Variants in APOBEC3B observed in about 807,000 individuals in gnomAD.
APOBEC3B encodes DNA dC->dU-editing enzyme APOBEC-3B.
In APOBEC3B, 29 loss-of-function variants were observed where a neutral mutation model predicts 53.4. That is an observed-to-expected ratio of 0.54 (90% confidence interval 0.40 to 0.74). APOBEC3B has a LOEUF of 0.74. APOBEC3B is among the 30% of genes least tolerant of loss of function. The pLI, the probability that APOBEC3B is intolerant of heterozygous loss-of-function variation, is 0.00. For synonymous variants in APOBEC3B, 132 were observed against 184.8 expected (o/e 0.71, Z 2.32); for missense variants, 347 against 496.2 (o/e 0.70, Z 2.86).
chr22:38,987,675 C>T (rs201956906), intron 4 of APOBEC3B, among the ~76,000 whole-genome samples: 2,753 of 147,300 alleles, frequency 0.019, 232 homozygotes, highest in Non-Finnish European at 0.027. Context: ...CTTCCAAAGA[C>T]GCCTCCGCTG....
intron 4 of APOBEC3B, among the ~76,000 whole-genome samples, chr22:38,989,252 G>A (rs538750275): frequency 6.7e-6 from 1 of 148,310 alleles, no homozygotes; most frequent in South Asian, 2.2e-4. Context: ...AACAGGCCCC[G>A]GGGCTGTGTT....
intron 4 of APOBEC3B, among the ~76,000 whole-genome samples, chr22:38,987,242 G>C (rs545882332): frequency 6.7e-6 from 1 of 148,740 alleles, no homozygotes; most frequent in Admixed American, 6.9e-5. Flanking sequence ...TGGTGGTCCT[G>C]CTGGGCCTCA....
chr22:38,985,404 G>C (rs1569037394), intron 2 of APOBEC3B, among the ~76,000 whole-genome samples: 1 of 148,308 alleles, frequency 6.7e-6, no homozygotes, highest in Non-Finnish European at 1.5e-5. Flanking sequence ...GGATGCTCCA[G>C]ACAGAGTGGC....
Position 38,982,486 on chromosome 22 carries a change from C to G in APOBEC3B, c.17+16C>G, listed in dbSNP as rs747184139. On this transcript the variant is annotated intron_variant, in intron 1 of 7. Transcript: ENST00000333467. Reference sequence around the variant, plus strand: ...CACAGATCAGGTACCGCTGCCCACTCTGCCTGCTGGGCCCCTCCTGCCCCT... The same window carrying G: ...CACAGATCAGGTACCGCTGCCCACTGTGCCTGCTGGGCCCCTCCTGCCCCT... The G allele has an allele frequency of 6.9e-6, 11 of 1,593,312 alleles. 2 individuals are homozygous for G. Among genetic ancestry groups the G allele is most frequent in the Middle Eastern group, 1.7e-4 (1 of 5,868 alleles).
chr22:38,985,149 C>A (rs1295449168), intron 2 of APOBEC3B, among the ~76,000 whole-genome samples: 1 of 148,536 alleles, frequency 6.7e-6, no homozygotes, highest in African/African-American at 2.5e-5. Context: ...AGTCACCTGC[C>A]TTGGCCTCCC....
intron 6 of APOBEC3B, 45 bp from the exon 7 acceptor site, chr22:38,991,989 C>T (rs554127458): frequency 8.6e-6 from 13 of 1,518,320 alleles, no homozygotes; most frequent in Non-Finnish European, 9.7e-6. Flanking sequence ...GTGCTGCCCC[C>T]TCCCCACAAC....
chr22:38,986,511 A>T, intron 4 of APOBEC3B, 99 bp downstream of exon 4: 1 of 1,251,950 alleles, frequency 8.0e-7, no homozygotes, highest in Admixed American at 2.8e-5. Flanking sequence ...CTCTTGACCC[A>T]CTGCCTGCCC....
Position 38,989,566 on chromosome 22 carries a change from A to T in APOBEC3B, c.679A>T (p.Thr227Ser), listed in dbSNP as rs1163449275. The change falls in exon 5 of 8, where the codon ACC becomes TCC. Residue 227 changes from threonine to serine, a missense_variant. This residue lies in a region of APOBEC3B where 156 missense variants were observed against 166.7 expected (regional missense o/e 0.94). Transcript: ENST00000333467. ...CYEVERLDNG[T>S]WVLMDQHMGF... ...TGAGGTGGAGCGCCTGGACAATGGC[A>T]CCTGGGTCCTGATGGACCAGCACAT... The T allele has an allele frequency of 6.3e-7, 1 of 1,587,538 alleles. No individual in the cohort carries two copies. The highest frequency in any genetic ancestry group is 1.4e-5 in the African/African-American group (1 of 74,040).
In APOBEC3B at chr22:38,986,429, G is replaced by A; in HGVS notation, c.569+17G>A. 5 of 1,589,750 alleles carry A rather than the reference G, an allele frequency of 3.1e-6. No individual in the cohort carries two copies. The highest frequency in any genetic ancestry group is 2.3e-5 in the South Asian group (2 of 88,280). On this transcript the variant is annotated intron_variant, in intron 4 of 7. Transcript: ENST00000333467. ...GATTCTCAGGTGAGGGTCTCCCTCT[G>A]GCCTCATCATCTCTCTCCTCTCACC...
rs149498752 is a variant in APOBEC3B, at chr22:38,986,076, A to G, written c.439A>G (p.Ile147Val). 9.9e-4 allele frequency: 1,584 copies of G among 1,592,284 alleles called. 113 individuals carry two copies. The African/African-American group carries it at 0.019, about 19-fold the overall frequency. Reference protein sequence around the residue: ...RLSQAGARVTIMDYEEFAYCW... With the variant: ...RLSQAGARVTVMDYEEFAYCW... Reference sequence around the variant, plus strand: ...GAGTCAGGCAGGAGCCCGCGTGACGATCATGGACTATGAAGGTGAGAGGTG... The same window carrying G: ...GAGTCAGGCAGGAGCCCGCGTGACGGTCATGGACTATGAAGGTGAGAGGTG... Residue 147 changes from isoleucine to valine, a missense_variant, in exon 3 of 8, where the codon ATC (isoleucine) becomes GTC (valine). By Grantham distance (29) the Ile-to-Val change is conservative. Around this residue, in one of 5 missense-constraint regions of APOBEC3B, gnomAD observed 156 missense variants for 166.7 expected, o/e 0.94. Coordinates refer to ENST00000333467, the MANE Select transcript of APOBEC3B (RefSeq NM_004900.5).
In APOBEC3B at chr22:38,992,617, T is replaced by C; in HGVS notation, c.*172T>C. 1 of 1,492,720 alleles carries C rather than the reference T, an allele frequency of 6.7e-7. No homozygotes were observed. Among genetic ancestry groups the C allele is most frequent in the Non-Finnish European group, 9.0e-7 (1 of 1,115,196 alleles). The allele number at this position is 1,492,720 out of a possible 1,614,324, so 92.5% of individuals were successfully genotyped here. A position where few individuals can be genotyped will look rare whatever the true frequency, so the allele number is the denominator to read the frequency against. ...AGATTTTTTAAAAATCAGAGTCAAT[T>C]AATTTTAATTGAAAATTTCTCTTAT... On this transcript the variant is annotated 3_prime_UTR_variant, in exon 8 of 8. Transcript: ENST00000333467.
Position 38,985,752 on chromosome 22 carries a change from C to T in APOBEC3B, c.175-60C>T, listed in dbSNP as rs1245644684. 71 of 1,451,844 alleles carry T rather than the reference C, an allele frequency of 4.9e-5. 3 individuals are homozygous for T. In the African/African-American group the frequency reaches 8.9e-4, roughly 18 times the overall value. The allele number at this position is 1,451,844 out of a possible 1,614,324, so 89.9% of individuals were successfully genotyped here. Reference sequence around the variant, plus strand: ...CCTGGCCCCTCCTCTCCCTGCCCCACCCCTGCACTCCTCCTGCTCCCCCTC... The same window carrying T: ...CCTGGCCCCTCCTCTCCCTGCCCCATCCCTGCACTCCTCCTGCTCCCCCTC... On this transcript the variant is annotated intron_variant, in intron 2 of 7. Coordinates refer to ENST00000333467, the MANE Select transcript of APOBEC3B (RefSeq NM_004900.5).
chr22:38,983,584 G>A (rs1281174761), intron 1 of APOBEC3B, among the ~76,000 whole-genome samples: 4 of 148,674 alleles, frequency 2.7e-5, no homozygotes, highest in South Asian at 2.2e-4. Flanking sequence ...GATGGGAATG[G>A]CCCCTGCAGG....
rs1317657637 is a variant in APOBEC3B at position 38,988,748 on chromosome 22, C to CTTTCTTTCCTTCTTT, written c.570-709_570-708insTTTCTTTCCTTCTTT. 1.2e-4 allele frequency among the ~76,000 whole-genome samples: 8 copies of CTTTCTTTCCTTCTTT among 65,900 alleles called. 1 individual carries two copies. The highest frequency in any genetic ancestry group is 5.9e-5 in the African/African-American group (1 of 17,082). The allele number at this position is 65,900 out of a possible 152,430, so 43.2% of individuals were successfully genotyped here. ...TTCTTTCTTTCTTTCTTTCTTTCTTCCTTTCTTCTCTCTCGTCTTTCTTCT... is the reference window on the plus strand; with the variant it reads ...TTCTTTCTTTCTTTCTTTCTTTCTTCTTTCTTTCCTTCTTTCTTTCTTCTCTCTCGTCTTTCTTCT... On this transcript the variant is annotated intron_variant, in intron 4 of 7. Coordinates refer to ENST00000333467, the MANE Select transcript of APOBEC3B (RefSeq NM_004900.5).
At chr22:38,986,463 C>A in intron 4 of APOBEC3B, 51 bp downstream of exon 4, 1 of 1,564,096 alleles carries the variant, frequency 6.4e-7, no homozygotes. Flanking sequence ...CCTGCTCATC[C>A]TCCTGAGGCC....
intron 1 of APOBEC3B, among the ~76,000 whole-genome samples, chr22:38,983,296 C>T (rs754862989): frequency 3.4e-5 from 5 of 145,918 alleles, no homozygotes; most frequent in Admixed American, 7.1e-5. Flanking sequence ...CCAGCCTGGG[C>T]GACAGAGTGA....
chr22:38,989,702 T>G, intron 5 of APOBEC3B, 92 bp downstream of exon 5: 1 of 1,257,126 alleles, frequency 8.0e-7, no homozygotes, highest in Non-Finnish European at 1.1e-6. Context: ...TGTGGTTTCC[T>G]GCAGTGTTTG....
rs1923784816 is a variant in APOBEC3B, at chr22:38,987,402, C to A, written c.569+990C>A. The stretch of plus-strand genomic sequence containing the variant: ...GGCCACCTCCCCCACCTGCCCCAGG[C>A]CAGACCCCCTGCTGAGACTCTTCCC... On this transcript the variant is annotated intron_variant, in intron 4 of 7. Transcript: ENST00000333467. Among the ~76,000 whole-genome samples the A allele has an allele frequency of 3.4e-5, 5 of 148,298 alleles. 1 individual carries two copies. The South Asian group carries it at 1.1e-3, about 33-fold the overall frequency.
In APOBEC3B at chr22:38,992,754, T is replaced by C; in HGVS notation, c.*309T>C. 1.4e-6 allele frequency: 1 copy of C among 708,566 alleles called. No homozygotes were observed. Among genetic ancestry groups the C allele is most frequent in the Non-Finnish European group, 2.2e-6 (1 of 446,760 alleles). 43.9% of individuals were successfully genotyped at this position (708,566 alleles called of 1,614,324 possible). The stretch of plus-strand genomic sequence containing the variant: ...TTAGACTAATAAAACATTAAGAATC[T>C]TCCATAATTGTTTCCACAAACACTA... On this transcript the variant is annotated 3_prime_UTR_variant, in exon 8 of 8. Transcript: ENST00000333467.
Sources: allele counts gnomAD v4.1 joint callset (sites outside exome capture counted in the v4.1 genomes callset), GRCh38; gene constraint gnomAD v4.1.1; regional missense constraint gnomAD v4.1.1; transcripts MANE v1.5; gene names NCBI Gene and HGNC (gene_info 2026-07-23, HGNC 2026-07-21).